Variants in GRXCR1 observed in about 807,000 individuals in gnomAD.
The protein encoded by GRXCR1 is glutaredoxin and cysteine rich domain containing 1.
In GRXCR1, 27 loss-of-function variants were observed where a neutral mutation model predicts 27.3. The ratio of observed to expected loss-of-function variants is 0.99; its 90% confidence interval spans 0.73 to 1.37. GRXCR1 has a LOEUF of 1.37. Ranked by LOEUF, GRXCR1 falls within the 40% of genes most tolerant of loss-of-function variation. GRXCR1 has a pLI of 0.00. For synonymous variants in GRXCR1, 122 were observed against 131.1 expected, an observed-to-expected ratio of 0.93 and a Z score of 0.47; for missense variants, 379 against 354.4, an observed-to-expected ratio of 1.07 and a Z score of -0.56.
intron 1 of GRXCR1, among the ~76,000 whole-genome samples, chr4:42,944,338 G>C (rs1747694539): frequency 6.6e-6 from 1 of 152,026 alleles, no homozygotes; most frequent in South Asian, 2.1e-4. Context: ...GAGAAAAAAA[G>C]AAAAGAAATA....
chr4:42,895,810 C>T (rs530399028), intron 1 of GRXCR1, among the ~76,000 whole-genome samples: 9 of 152,146 alleles, frequency 5.9e-5, no homozygotes, highest in African/African-American at 1.9e-4. Context: ...CACAGAGAAG[C>T]CCCAGGGGCT....
chr4:42,928,698 C>T (rs894398754), intron 1 of GRXCR1, among the ~76,000 whole-genome samples: 1 of 151,938 alleles, frequency 6.6e-6, no homozygotes, highest in African/African-American at 2.4e-5. Flanking sequence ...AGAGATTGGG[C>T]CACAGCCTTT....
intron 1 of GRXCR1, among the ~76,000 whole-genome samples, chr4:42,899,534 G>C (rs555636439): frequency 5.1e-4 from 77 of 152,020 alleles, no homozygotes; most frequent in African/African-American, 1.7e-3. Context: ...TCTCCTTTTA[G>C]TCTTTCTCTT....
chr4:42,958,195 C>T (rs1748050997), intron 1 of GRXCR1, among the ~76,000 whole-genome samples: 1 of 152,044 alleles, frequency 6.6e-6, no homozygotes, highest in African/African-American at 2.4e-5. Flanking sequence ...CTTCTTAACC[C>T]TTGCTATGTG....
intron 2 of GRXCR1, among the ~76,000 whole-genome samples, chr4:43,000,869 C>T (rs1477466213): frequency 1.3e-5 from 2 of 151,978 alleles, no homozygotes; most frequent in East Asian, 1.9e-4. Flanking sequence ...TATTTTTAGC[C>T]GTATACTTGG....
At chr4:42,900,620 G>A (rs1363779611) in intron 1 of GRXCR1, among the ~76,000 whole-genome samples, 1 of 152,148 alleles carries the variant, frequency 6.6e-6, no homozygotes, top group Non-Finnish European at 1.5e-5. Context: ...AAACCAAGGT[G>A]TTGATTTGCT....
chr4:42,967,512 A>G (rs1324791698), intron 2 of GRXCR1, among the ~76,000 whole-genome samples: 2 of 152,106 alleles, frequency 1.3e-5, no homozygotes, highest in Admixed American at 1.3e-4. Context: ...TTTTGAGTAT[A>G]TAGGATATAG....
At chr4:43,024,319 T>G (rs546242207) in intron 3 of GRXCR1, among the ~76,000 whole-genome samples, 1 of 150,586 alleles carries the variant, frequency 6.6e-6, no homozygotes, top group African/African-American at 2.4e-5. Flanking sequence ...ACACTTAGTA[T>G]GTCAAAAATG....
chr4:42,894,857 C>T (rs79356498), intron 1 of GRXCR1, among the ~76,000 whole-genome samples: 2,669 of 152,102 alleles, frequency 0.018, 39 homozygotes, highest in Non-Finnish European at 0.027. Flanking sequence ...TTAGTGGCCA[C>T]CAAGTTTCAC....
At position 43,030,588 on chromosome 4, in the gene GRXCR1, T is replaced by C. The variant is rs758542164; in HGVS notation, c.*48T>C. 7.1e-7 allele frequency: 1 copy of C among 1,398,616 alleles called. No homozygotes were observed. Among genetic ancestry groups the C allele is most frequent in the Admixed American group, 1.7e-5 (1 of 59,726 alleles). 86.6% of individuals were successfully genotyped at this position (1,398,616 alleles called of 1,614,324 possible). A position where few individuals can be genotyped will look rare whatever the true frequency, so the allele number is the denominator to read the frequency against. On this transcript the variant is annotated 3_prime_UTR_variant, in exon 4 of 4. Coordinates refer to ENST00000399770, the MANE Select transcript of GRXCR1 (RefSeq NM_001080476.3). ...ACCTCATTTTATTAATCAAAGGCAATACTTTGGTTTATATATATATTTTTA... is the reference window on the plus strand; with the variant it reads ...ACCTCATTTTATTAATCAAAGGCAACACTTTGGTTTATATATATATTTTTA...
At chr4:43,018,828 T>G (rs571879178) in intron 2 of GRXCR1, among the ~76,000 whole-genome samples, 18 of 152,204 alleles carry the variant, frequency 1.2e-4, no homozygotes, top group Non-Finnish European at 2.2e-4. Context: ...TAGGCTTTAA[T>G]GTGTTGTCAT....
At chr4:42,934,466 C>T (rs1328230605) in intron 1 of GRXCR1, among the ~76,000 whole-genome samples, 1 of 151,708 alleles carries the variant, frequency 6.6e-6, no homozygotes, top group Non-Finnish European at 1.5e-5. Flanking sequence ...ATTAGCACTT[C>T]TTTTCATAGA....
chr4:43,008,153 A>AT (rs1269594198), intron 2 of GRXCR1, among the ~76,000 whole-genome samples: 3 of 151,578 alleles, frequency 2.0e-5, no homozygotes, highest in African/African-American at 7.3e-5. Flanking sequence ...ATTTCTCTTC[A>AT]TTTTTTCATC....
At chr4:43,022,385 A>C (rs147947078) in intron 3 of GRXCR1, among the ~76,000 whole-genome samples, 4 of 152,324 alleles carry the variant, frequency 2.6e-5, no homozygotes, top group African/African-American at 9.6e-5. Context: ...CAACTTGATC[A>C]ACAGTACCAT....
At chr4:42,905,013 C>A (rs574595221) in intron 1 of GRXCR1, among the ~76,000 whole-genome samples, 2 of 152,234 alleles carry the variant, frequency 1.3e-5, no homozygotes, top group South Asian at 4.1e-4. Flanking sequence ...CATCTTGGTA[C>A]CACAAGATTT....
At chr4:42,977,071 G>T (rs79691144) in intron 2 of GRXCR1, among the ~76,000 whole-genome samples, 2,187 of 152,034 alleles carry the variant, frequency 0.014, 36 homozygotes, top group East Asian at 0.062. Flanking sequence ...TGTGCAATTT[G>T]CCTTACTGTG....
chr4:43,009,015 T>C (rs1446107873), intron 2 of GRXCR1, among the ~76,000 whole-genome samples: 1 of 152,212 alleles, frequency 6.6e-6, no homozygotes, highest in Non-Finnish European at 1.5e-5. Context: ...GTCCTATCCA[T>C]GGAAATATCA....
At chr4:42,947,957 C>A (rs1464439460) in intron 1 of GRXCR1, among the ~76,000 whole-genome samples, 1 of 152,160 alleles carries the variant, frequency 6.6e-6, no homozygotes, top group African/African-American at 2.4e-5. Context: ...ATGTGCTTCA[C>A]AATTTAGGTG....
chr4:42,896,295 T>C (rs1420040886), intron 1 of GRXCR1, among the ~76,000 whole-genome samples: 1 of 152,134 alleles, frequency 6.6e-6, no homozygotes, highest in African/African-American at 2.4e-5. Flanking sequence ...AGCACTTACT[T>C]AGAAAGTTGT....
Sources: gnomAD v4.1 joint callset for allele counts (sites outside exome capture counted in the v4.1 genomes callset) on GRCh38, gnomAD v4.1.1 for gene constraint, MANE v1.5 for transcripts, NCBI Gene and HGNC (gene_info 2026-07-23, HGNC 2026-07-21) for gene names.